The following OSBPL3 variants were observed in gnomAD, a reference collection of about 807,000 sequenced individuals.
OSBPL3 encodes the protein oxysterol-binding protein-related protein 3.
A neutral mutation model predicts 120.1 loss-of-function variants in OSBPL3; 65 were observed. The ratio of observed to expected loss-of-function variants is 0.54; its 90% CI spans 0.44 to 0.67. The LOEUF is 0.67. Ranked by LOEUF, OSBPL3 falls within the 30% of genes least tolerant of loss-of-function variation. OSBPL3 has a pLI of 0.00. For synonymous variants in OSBPL3, 416 were observed against 402.6 expected (o/e 1.03, Z -0.40); for missense variants, 1,004 against 1,082.1 (o/e 0.93, Z 1.01).
rs565581087 is a variant in OSBPL3 at position 24,824,001 on chromosome 7, A to C, written c.1885-3763T>G. Among the ~76,000 whole-genome samples the C allele has an allele frequency of 2.0e-5, 3 of 152,324 alleles. No individual in the cohort carries two copies. The South Asian group carries it at 6.2e-4, about 32-fold the overall frequency. The stretch of plus-strand genomic sequence containing the variant: ...AAGGGCAGTAAATGCATTTGTCTGA[A>C]TTGACCCAGCCCTGGAAGGAGATGC... On this transcript the variant is annotated intron_variant, in intron 16 of 22. Coordinates refer to ENST00000313367, the MANE Select transcript of OSBPL3 (RefSeq NM_015550.4). The surrounding 1 kb of genome is among the most constrained non-coding windows in gnomAD (Gnocchi z 4.9).
rs1796625483 is a variant in OSBPL3, at chr7:24,833,403, A to C, written c.1746+1083T>G. On this transcript the variant is annotated intron_variant, in intron 15 of 22. Coordinates refer to ENST00000313367, the MANE Select transcript of OSBPL3 (RefSeq NM_015550.4). The surrounding 1 kb of genome is among the most constrained non-coding windows in gnomAD (Gnocchi z 4.4). ...TCTCTTTGATGGGGAGGCCCTGGAG[A>C]CTGGGCAGAATGACTATGGGCTATC... Among the ~76,000 whole-genome samples the C allele has an allele frequency of 6.6e-6, 1 of 152,202 alleles. No homozygotes were observed. The highest frequency in any genetic ancestry group is 1.5e-5 in the Non-Finnish European group (1 of 68,036).
chr7:24,956,451 C>A (rs1380019264), intron 1 of OSBPL3, among the ~76,000 whole-genome samples: 1 of 152,246 alleles, frequency 6.6e-6, no homozygotes, highest in Non-Finnish European at 1.5e-5. Context: ...GTCCCACCTG[C>A]CCATTCCATG....
chr7:24,943,730 G>A (rs1813364785), intron 1 of OSBPL3, among the ~76,000 whole-genome samples: 1 of 152,190 alleles, frequency 6.6e-6, no homozygotes, highest in South Asian at 2.1e-4. Flanking sequence ...TCTAAGAAAA[G>A]CTTTCACGTT....
chr7:24,973,663 T>G (rs928900235), intron 1 of OSBPL3, among the ~76,000 whole-genome samples: 3 of 152,220 alleles, frequency 2.0e-5, no homozygotes, highest in African/African-American at 7.2e-5. Context: ...ATAAAAGAAT[T>G]TTTAAATGTT....
intron 1 of OSBPL3, among the ~76,000 whole-genome samples, chr7:24,908,201 A>G (rs1307913001): frequency 6.6e-6 from 1 of 152,138 alleles, no homozygotes; most frequent in East Asian, 1.9e-4. Flanking sequence ...GCCACTTTCT[A>G]TCACTAGTTA....
chr7:24,840,276 T>C (rs1411245857), intron 14 of OSBPL3, among the ~76,000 whole-genome samples: 1 of 152,112 alleles, frequency 6.6e-6, no homozygotes, highest in Non-Finnish European at 1.5e-5. Context: ...AGTCCACTCG[T>C]ATGCAGGTTT....
chr7:24,946,319 T>TA lies in OSBPL3; in HGVS notation c.-150+33566dup, dbSNP rs1457766199. Among the ~76,000 whole-genome samples the TA allele has an allele frequency of 6.6e-6, 1 of 152,150 alleles. No homozygotes were observed. The highest frequency in any genetic ancestry group is 1.5e-5 in the Non-Finnish European group (1 of 68,010). On this transcript the variant is annotated intron_variant, in intron 1 of 22. Coordinates refer to ENST00000313367, the MANE Select transcript of OSBPL3 (RefSeq NM_015550.4). This position sits in a 1 kb window ranked among gnomAD's most constrained non-coding sequence, Gnocchi z 4.3. Reference sequence around the variant, plus strand: ...CAACCTAGACTACTAAGTTGTCACATAGCGTTATTTTTGCCGTACTTTTAT... The same window carrying TA: ...CAACCTAGACTACTAAGTTGTCACATAAGCGTTATTTTTGCCGTACTTTTAT...
In OSBPL3 at chr7:24,831,765, T is replaced by C. The variant is rs1796390124; in HGVS notation, c.1747-860A>G. Among the ~76,000 whole-genome samples, 1 of 152,242 alleles carries C rather than the reference T, an allele frequency of 6.6e-6. No individual in the cohort carries two copies. Among genetic ancestry groups the C allele is most frequent in the Non-Finnish European group, 1.5e-5 (1 of 68,036 alleles). On this transcript the variant is annotated intron_variant, in intron 15 of 22. Coordinates refer to ENST00000313367, the MANE Select transcript of OSBPL3 (RefSeq NM_015550.4). This position sits in a 1 kb window ranked among gnomAD's most constrained non-coding sequence, Gnocchi z 4.0. ...CCAGCACATTTCGTGCAGTTTCTTATACTGAAGAAGAGCTGAGTGCCTTTC... is the reference window on the plus strand; with the variant it reads ...CCAGCACATTTCGTGCAGTTTCTTACACTGAAGAAGAGCTGAGTGCCTTTC...
chr7:24,927,242 G>A (rs1811172642), intron 1 of OSBPL3, among the ~76,000 whole-genome samples: 1 of 152,178 alleles, frequency 6.6e-6, no homozygotes, highest in Non-Finnish European at 1.5e-5. Flanking sequence ...CAAAAACGAA[G>A]ATATATTTTA....
chr7:24,899,638 T>C lies in OSBPL3; in HGVS notation c.-149-7017A>G, dbSNP rs563987945. Among the ~76,000 whole-genome samples, 1 of 152,206 alleles carries C rather than the reference T, an allele frequency of 6.6e-6. No individual in the cohort carries two copies. Among genetic ancestry groups the C allele is most frequent in the Non-Finnish European group, 1.5e-5 (1 of 68,042 alleles). On this transcript the variant is annotated intron_variant, in intron 1 of 22. Coordinates refer to ENST00000313367, the MANE Select transcript of OSBPL3 (RefSeq NM_015550.4). The surrounding 1 kb of genome is among the most constrained non-coding windows in gnomAD (Gnocchi z 4.0). ...CCCAAGTAAATTATACTTGGAGATT[T>C]AGTAACGAGAAGAGCACCAAGGGCA...
intron 1 of OSBPL3, among the ~76,000 whole-genome samples, chr7:24,897,542 G>A (rs1806357319): frequency 6.6e-6 from 1 of 151,734 alleles, no homozygotes; most frequent in Non-Finnish European, 1.5e-5. Context: ...AGCCAGGATG[G>A]TCTCGATCTC....
chr7:24,828,978 A>T (rs1248885920), intron 16 of OSBPL3, among the ~76,000 whole-genome samples: 3 of 152,182 alleles, frequency 2.0e-5, no homozygotes, highest in Admixed American at 2.0e-4. Flanking sequence ...CTTTGTGCAC[A>T]TGTGCCCAGG....
At chr7:24,816,253 C>A (rs1794451780) in intron 18 of OSBPL3, among the ~76,000 whole-genome samples, 1 of 152,100 alleles carries the variant, frequency 6.6e-6, no homozygotes, top group African/African-American at 2.4e-5. Flanking sequence ...GTCTCAAACT[C>A]CTGGACTTAA....
intron 1 of OSBPL3, among the ~76,000 whole-genome samples, chr7:24,975,323 C>G (rs944829589): frequency 6.6e-6 from 1 of 152,156 alleles, no homozygotes; most frequent in African/African-American, 2.4e-5. Flanking sequence ...ATGGACTTAA[C>G]AAGGAATTCT....
intron 2 of OSBPL3, among the ~76,000 whole-genome samples, chr7:24,878,191 A>G (rs191982783): frequency 1.3e-5 from 2 of 152,346 alleles, no homozygotes; most frequent in African/African-American, 4.8e-5. Flanking sequence ...TCCCTCCAGC[A>G]CAGCTGTTTC....
intron 10 of OSBPL3, among the ~76,000 whole-genome samples, chr7:24,856,036 C>T (rs1799802024): frequency 6.6e-6 from 1 of 152,186 alleles, no homozygotes; most frequent in African/African-American, 2.4e-5. Context: ...CTTCCTGCTG[C>T]TAAGACATTT....
intron 6 of OSBPL3, 146 bp downstream of exon 6, chr7:24,865,924 G>A (rs1015379336): frequency 6.2e-6 from 4 of 642,218 alleles, no homozygotes; most frequent in Non-Finnish European, 1.1e-5. Flanking sequence ...TGACTCAGTG[G>A]GCAAACAGAC....
At position 24,947,044 on chromosome 7, in the gene OSBPL3, A is replaced by G. The variant is rs1813817801; in HGVS notation, c.-150+32842T>C. 6.6e-6 allele frequency among the ~76,000 whole-genome samples: 1 copy of G among 152,196 alleles called. No individual in the cohort carries two copies. The highest frequency in any genetic ancestry group is 2.4e-5 in the African/African-American group (1 of 41,448). The stretch of plus-strand genomic sequence containing the variant: ...TACAACAAAGAAAACAATCTGTACC[A>G]CAGAAGGCTGGACTGCTGAGTTCTA... On this transcript the variant is annotated intron_variant, in intron 1 of 22. Transcript: ENST00000313367. This position sits in a 1 kb window ranked among gnomAD's most constrained non-coding sequence, Gnocchi z 4.4.
intron 1 of OSBPL3, among the ~76,000 whole-genome samples, chr7:24,935,574 A>G (rs1466945570): frequency 6.6e-6 from 1 of 152,194 alleles, no homozygotes; most frequent in African/African-American, 2.4e-5. Flanking sequence ...TAGGCCATAT[A>G]CTTCAGTTAT....
Sources: allele counts gnomAD v4.1 joint callset (sites outside exome capture counted in the v4.1 genomes callset), GRCh38; gene constraint gnomAD v4.1.1; non-coding constraint Gnocchi (gnomAD v3.1); transcripts MANE v1.5; gene names NCBI Gene and HGNC (gene_info 2026-07-23, HGNC 2026-07-21).